Variants in RB1 observed in about 807,000 individuals in gnomAD.
RB1 encodes RB transcriptional corepressor 1, also known as retinoblastoma-associated protein.
RB1 carries 18 observed loss-of-function variants against 135.4 expected under a neutral mutation model. The ratio of observed to expected loss-of-function variants is 0.13; its 90% CI spans 0.09 to 0.20. The LOEUF (loss-of-function observed/expected upper bound fraction) is 0.20, where lower values mean the gene tolerates loss of function less well. Among genes scored for constraint, RB1 ranks in the 10% least tolerant of loss-of-function variants. The pLI, the probability that RB1 is intolerant of heterozygous loss-of-function variation, is 1.00. For synonymous variants in RB1, 365 were observed against 373.2 expected, an observed-to-expected ratio of 0.98 and a Z score of 0.25; for missense variants, 868 against 1,110.0, an observed-to-expected ratio of 0.78 and a Z score of 3.10.
rs1251994570 is a variant in RB1 at position 48,369,744 on chromosome 13, G to A, written c.1127+1140G>A. Among the ~76,000 whole-genome samples, 3 of 151,948 alleles carry A rather than the reference G, an allele frequency of 2.0e-5. No individual in the cohort carries two copies. The East Asian group carries it at 5.8e-4, about 29-fold the overall frequency. On this transcript the variant is annotated intron_variant, in intron 11 of 26. Transcript: ENST00000267163. ...CTTTTCTTTCCATGGATTACCAACTGCTACTCTTCATTCAGCACAAATATT... is the reference window on the plus strand; with the variant it reads ...CTTTTCTTTCCATGGATTACCAACTACTACTCTTCATTCAGCACAAATATT...
At chr13:48,379,459 A>G in intron 13 of RB1, 135 bp from the exon 14 acceptor site, 2 of 1,148,786 alleles carry the variant, frequency 1.7e-6, no homozygotes, top group South Asian at 3.0e-5. Context: ...CCAAAGCAGG[A>G]GGATCTCTTG....
chr13:48,360,800 G>A (rs1952632282), intron 7 of RB1: 1 of 152,028 alleles, frequency 6.6e-6, no homozygotes, highest in Non-Finnish European at 1.5e-5. Context: ...GGATTTCAAA[G>A]TCACTTATTA....
chr13:48,371,087 G>C (rs2138127009), intron 11 of RB1, among the ~76,000 whole-genome samples: 1 of 152,314 alleles, frequency 6.6e-6, no homozygotes, highest in Non-Finnish European at 1.5e-5. Flanking sequence ...TAAAATGAGA[G>C]TAGGAAGTCA....
intron 17 of RB1, among the ~76,000 whole-genome samples, chr13:48,428,616 A>T (rs1949099884): frequency 6.6e-6 from 1 of 152,256 alleles, no homozygotes; most frequent in Non-Finnish European, 1.5e-5. Context: ...TTTTTAAAAC[A>T]CTAAATTCTA....
chr13:48,458,622 G>A (rs1186651138), intron 19 of RB1, among the ~76,000 whole-genome samples: 3 of 152,034 alleles, frequency 2.0e-5, no homozygotes, highest in Admixed American at 6.6e-5. Flanking sequence ...TCAAAACCTT[G>A]TTTTAACAAC....
At chr13:48,455,018 G>A (rs1021160509) in intron 18 of RB1, among the ~76,000 whole-genome samples, 2 of 152,168 alleles carry the variant, frequency 1.3e-5, no homozygotes, top group Admixed American at 6.5e-5. Context: ...GGCAAAAAGC[G>A]AGGAAACCAA....
intron 2 of RB1, among the ~76,000 whole-genome samples, chr13:48,332,854 A>G (rs1441371486): frequency 6.6e-6 from 1 of 152,202 alleles, no homozygotes; most frequent in Non-Finnish European, 1.5e-5. Flanking sequence ...AACCCTATAT[A>G]TACTATGTTT....
Position 48,465,371 on chromosome 13 carries a change from G to T in RB1, c.2489+3G>T, listed in dbSNP as rs1057505320. 3 of 1,593,084 alleles carry T rather than the reference G, an allele frequency of 1.9e-6. No homozygotes were observed. In the African/African-American group the frequency reaches 4.0e-5, roughly 21 times the overall value. On this transcript the variant is annotated splice_donor_region_variant and intron_variant, in intron 23 of 26. Coordinates refer to ENST00000267163, the MANE Select transcript of RB1 (RefSeq NM_000321.3). ...ACAAAAATGACTCCAAGATCAAGGT[G>T]TGTGTTTTCTCTTTAGGGAAGTAGT...
At position 48,473,356 on chromosome 13, in the gene RB1, A is replaced by G. The variant is rs372449026; in HGVS notation, c.2490-4A>G. The G allele has an allele frequency of 1.9e-6, 3 of 1,574,296 alleles. No homozygotes were observed. Among genetic ancestry groups the G allele is most frequent in the African/African-American group, 2.7e-5 (2 of 73,896 alleles). On this transcript the variant is annotated splice_region_variant and splice_polypyrimidine_tract_variant and intron_variant, in intron 23 of 26. Coordinates refer to ENST00000267163, the MANE Select transcript of RB1 (RefSeq NM_000321.3). ...CTAATTGGTATTTCATCTTAACTTG[A>G]CAGAATCTTAGTATCAATTGGTGAA... is the stretch of plus-strand genomic sequence containing the variant.
Position 48,448,576 on chromosome 13 carries a change from C to A in RB1, c.1696-4417C>A, listed in dbSNP as rs577600970. Among the ~76,000 whole-genome samples, 13 of 152,338 alleles carry A rather than the reference C, an allele frequency of 8.5e-5. 2 individuals are homozygous for A. Among genetic ancestry groups the A allele is most frequent in the African/African-American group, 3.1e-4 (13 of 41,588 alleles). On this transcript the variant is annotated intron_variant, in intron 17 of 26. Transcript: ENST00000267163. ...ATATGTGTAATGACTATATGATTAT[C>A]ATGCCTCTTTTTATTCACAGCTTAT... is the stretch of plus-strand genomic sequence containing the variant.
chr13:48,332,520 A>G (rs1952346748), intron 2 of RB1, among the ~76,000 whole-genome samples: 1 of 152,206 alleles, frequency 6.6e-6, no homozygotes, highest in African/African-American at 2.4e-5. Flanking sequence ...GCAGTGAGCT[A>G]TTATTGTGCC....
At chr13:48,412,000 A>T in intron 17 of RB1, 1 of 1,610,050 alleles carries the variant, frequency 6.2e-7, no homozygotes, top group Non-Finnish European at 8.5e-7. Context: ...ATCACAGTTA[A>T]CCACACGCCA....
At chr13:48,429,490 C>T (rs1949108582) in intron 17 of RB1, 1 of 152,076 alleles carries the variant, frequency 6.6e-6, no homozygotes, top group Admixed American at 6.6e-5. Flanking sequence ...GTCTCTAGGC[C>T]TCAGACTCCT....
At chr13:48,394,341 C>T (rs565764606) in intron 17 of RB1, among the ~76,000 whole-genome samples, 62 of 152,284 alleles carry the variant, frequency 4.1e-4, no homozygotes, top group Non-Finnish European at 7.1e-4. Context: ...GGGCAGATAC[C>T]GAGCTAGCTG....
intron 2 of RB1, chr13:48,328,090 G>C (rs1365591064): frequency 1.7e-5 from 15 of 860,754 alleles, no homozygotes; most frequent in Non-Finnish European, 2.8e-5. Flanking sequence ...TAATTGTCTT[G>C]GTCATAGACA....
chr13:48,314,569 G>C (rs776341685), intron 2 of RB1, among the ~76,000 whole-genome samples: 2 of 152,176 alleles, frequency 1.3e-5, no homozygotes, highest in African/African-American at 2.4e-5. Flanking sequence ...GGAGGCCGAG[G>C]TGGGTGGATC....
At chr13:48,451,493 T>C (rs748521504) in intron 17 of RB1, among the ~76,000 whole-genome samples, 4 of 152,196 alleles carry the variant, frequency 2.6e-5, no homozygotes, top group Non-Finnish European at 4.4e-5. Flanking sequence ...GTAGATAAGC[T>C]TTTTGGTGTG....
At chr13:48,452,473 T>G (rs1178275334) in intron 17 of RB1, among the ~76,000 whole-genome samples, 4 of 152,140 alleles carry the variant, frequency 2.6e-5, no homozygotes, top group Admixed American at 1.3e-4. Flanking sequence ...TTTTCCAATT[T>G]ATTGATATAA....
At chr13:48,311,761 C>T (rs1424242263) in intron 2 of RB1, among the ~76,000 whole-genome samples, 5 of 152,184 alleles carry the variant, frequency 3.3e-5, no homozygotes, top group East Asian at 3.9e-4. Context: ...GGCTGGAGTG[C>T]GTGGCACGAT....
Sources: gnomAD v4.1 joint callset for allele counts (sites outside exome capture counted in the v4.1 genomes callset) on GRCh38, gnomAD v4.1.1 for gene constraint, MANE v1.5 for transcripts, NCBI Gene and HGNC (gene_info 2026-07-23, HGNC 2026-07-21) for gene names.